The following CHD4 variants were observed in gnomAD, a reference collection of about 807,000 sequenced individuals.
The protein encoded by CHD4 is ATP-dependent chromatin remodeler CHD4.
A neutral mutation model predicts 235.5 loss-of-function variants in CHD4; 35 were observed. The observed-to-expected ratio is 0.15, with a 90% confidence interval of 0.11 to 0.20. The LOEUF is 0.20. Among genes scored for constraint, CHD4 ranks in the 10% least tolerant of loss-of-function variants. The pLI, the probability that CHD4 is intolerant of heterozygous loss-of-function variation, is 1.00. For synonymous variants in CHD4, 900 were observed against 850.2 expected (o/e 1.06, Z -1.02); for missense variants, 1,329 against 2,432.3 (o/e 0.55, Z 9.54).
chr12:6,592,169 G>A lies in CHD4; in HGVS notation c.2949-112C>T, dbSNP rs2136214067. 2.9e-6 allele frequency: 4 copies of A among 1,377,940 alleles called. No homozygotes were observed. The South Asian group carries it at 5.0e-5, about 17-fold the overall frequency. The allele number at this position is 1,377,940 out of a possible 1,614,324, so 85.4% of individuals were successfully genotyped here. On this transcript the variant is annotated intron_variant, in intron 19 of 39. Coordinates refer to ENST00000544040, the MANE Select transcript of CHD4 (RefSeq NM_001273.5). ...CAACACATCCCACTTTGGAACTAAG[G>A]ACACCTAACGCACAAGCACTACCAC... is the stretch of plus-strand genomic sequence containing the variant.
Position 6,598,214 on chromosome 12 carries a change from A to G in CHD4, c.1686+8T>C. 1 of 1,611,628 alleles carries G rather than the reference A, an allele frequency of 6.2e-7. No individual in the cohort carries two copies. The highest frequency in any genetic ancestry group is 8.5e-7 in the Non-Finnish European group (1 of 1,178,240). On this transcript the variant is annotated splice_region_variant and intron_variant, in intron 11 of 39. Transcript: ENST00000544040. ...AGCCCCTACATCTCCAGACTATCCT[A>G]AACTTACCTGCAGTTCAGAAACCCA...
At chr12:6,595,271 T>C (rs183294441) in intron 14 of CHD4, 63 bp downstream of exon 14, 8 of 1,351,910 alleles carry the variant, frequency 5.9e-6, no homozygotes, top group Admixed American at 5.4e-5. Flanking sequence ...GTACCATCAT[T>C]AGACTGCAGC....
intron 10 of CHD4, 130 bp downstream of exon 10, chr12:6,599,643 G>A (rs929406563): frequency 6.2e-6 from 7 of 1,137,296 alleles, no homozygotes; most frequent in East Asian, 2.5e-5. Context: ...AACACTATAG[G>A]ATGAAGGAGA....
chr12:6,576,218 G>A (rs1248277679), intron 37 of CHD4, among the ~76,000 whole-genome samples: 1 of 152,076 alleles, frequency 6.6e-6, no homozygotes, highest in African/African-American at 2.4e-5. Flanking sequence ...TTAGCTGGGC[G>A]TGGTGGCACA....
intron 22 of CHD4, among the ~76,000 whole-genome samples, chr12:6,589,887 T>C (rs1948361860): frequency 1.3e-5 from 2 of 151,882 alleles, no homozygotes; most frequent in Non-Finnish European, 2.9e-5. Context: ...ACAAAATAAC[T>C]GAACAGTGCT....
intron 33 of CHD4, chr12:6,579,244 G>A (rs1480748855): frequency 5.8e-6 from 2 of 345,978 alleles, no homozygotes; most frequent in Non-Finnish European, 1.1e-5. Flanking sequence ...GAGGTGAGGA[G>A]TTAGAAACCA....
intron 10 of CHD4, 69 bp from the exon 11 acceptor site, chr12:6,598,494 C>T: frequency 7.9e-7 from 1 of 1,268,678 alleles, no homozygotes; most frequent in Non-Finnish European, 1.1e-6. Context: ...CCCACAGTCT[C>T]AACTTCATCA....
At chr12:6,576,819 C>G (rs1180582056) in intron 37 of CHD4, among the ~76,000 whole-genome samples, 2 of 152,222 alleles carry the variant, frequency 1.3e-5, no homozygotes, top group African/African-American at 4.8e-5. Context: ...TCCTTGAAAA[C>G]AGATACCATG....
chr12:6,594,721 C>T lies in CHD4; in HGVS notation c.2122-71G>A, dbSNP rs973240507. 3.0e-5 allele frequency: 41 copies of T among 1,365,450 alleles called. No homozygotes were observed. The African/African-American group carries it at 5.4e-4, about 18-fold the overall frequency. 84.6% of individuals were successfully genotyped at this position (1,365,450 alleles called of 1,614,324 possible). A position where few individuals can be genotyped will look rare whatever the true frequency, so the allele number is the denominator to read the frequency against. On this transcript the variant is annotated intron_variant, in intron 14 of 39. Transcript: ENST00000544040. The stretch of plus-strand genomic sequence containing the variant: ...TCCTCCCCTAATAGAGCAGCTGCTT[C>T]CTCCTCACTAGTCTTCACGGATCCT...
intron 2 of CHD4, among the ~76,000 whole-genome samples, chr12:6,605,876 A>T (rs1338982259): frequency 1.3e-5 from 2 of 152,168 alleles, no homozygotes; most frequent in African/African-American, 2.4e-5. Flanking sequence ...ACAGGATCCT[A>T]CTAGCACAGA....
At position 6,601,768 on chromosome 12, in the gene CHD4, T is replaced by G. The variant is rs984443216; in HGVS notation, c.439-2A>C. ...GAGCTGAGCAGATGATTTAGGCTCC[T>G]GCAGAAAGAGCAAAGTCAAGTAAGT... On this transcript the variant is annotated splice_acceptor_variant, in intron 4 of 39. Coordinates refer to ENST00000544040, the MANE Select transcript of CHD4 (RefSeq NM_001273.5). LOFTEE classifies it high-confidence loss of function. The G allele has an allele frequency of 3.1e-6, 5 of 1,613,380 alleles. No homozygotes were observed. Among genetic ancestry groups the G allele is most frequent in the Non-Finnish European group, 4.2e-6 (5 of 1,179,480 alleles).
intron 38 of CHD4, chr12:6,571,419 G>A (rs1469948654): frequency 3.2e-5 from 6 of 187,410 alleles, no homozygotes; most frequent in Admixed American, 2.2e-4. Flanking sequence ...ATGTTGAAAG[G>A]GGTCTAGAAT....
chr12:6,582,411 CG>C (rs1948211143), intron 29 of CHD4, 130 bp from the exon 30 acceptor site: 4 of 1,315,354 alleles, frequency 3.0e-6, no homozygotes, highest in Non-Finnish European at 4.2e-6. Flanking sequence ...CACCACTGCA[CG>C]GGAAGGCTGA....
At chr12:6,592,916 C>A in intron 17 of CHD4, 99 bp from the exon 18 acceptor site, 1 of 1,521,496 alleles carries the variant, frequency 6.6e-7, no homozygotes, top group Non-Finnish European at 8.8e-7. Flanking sequence ...AGTTAAGCAT[C>A]CCACTCCTCA....
At chr12:6,604,830 T>C (rs1948662125) in intron 2 of CHD4, among the ~76,000 whole-genome samples, 1 of 152,060 alleles carries the variant, frequency 6.6e-6, no homozygotes, top group Non-Finnish European at 1.5e-5. Flanking sequence ...CCTGCGCAGC[T>C]CCCGGTCAAC....
At chr12:6,578,181 C>A (rs1948105105) in intron 35 of CHD4, 44 bp from the exon 36 acceptor site, 2 of 1,522,458 alleles carry the variant, frequency 1.3e-6, no homozygotes, top group East Asian at 4.5e-5. Context: ...GGGAAGCAAA[C>A]ATCTGTGAGA....
At chr12:6,601,892 G>A (rs1948598249) in intron 4 of CHD4, 68 bp downstream of exon 4, 2 of 1,572,138 alleles carry the variant, frequency 1.3e-6, no homozygotes, top group African/African-American at 2.7e-5. Flanking sequence ...CTAAAGGGCA[G>A]TAAGGTGTCT....
At position 6,592,256 on chromosome 12, in the gene CHD4, G is replaced by A. The variant is rs1012510482; in HGVS notation, c.2948+137C>T. On this transcript the variant is annotated intron_variant, in intron 19 of 39. Transcript: ENST00000544040. ...ATAAGTAAGAACTATGCGCTCCAGCGCCCTAGCATCAGGTTTCTTCAGGCC... is the reference window on the plus strand; with the variant it reads ...ATAAGTAAGAACTATGCGCTCCAGCACCCTAGCATCAGGTTTCTTCAGGCC... 1.6e-5 allele frequency: 20 copies of A among 1,284,102 alleles called. No individual in the cohort carries two copies. The East Asian group carries it at 1.9e-4, about 12-fold the overall frequency. 79.5% of individuals were successfully genotyped at this position (1,284,102 alleles called of 1,614,324 possible).
intron 35 of CHD4, 29 bp from the exon 36 acceptor site, chr12:6,578,166 G>A: frequency 6.4e-7 from 1 of 1,572,284 alleles, no homozygotes; most frequent in Middle Eastern, 1.7e-4. Flanking sequence ...AAGGTTGGGG[G>A]TGGGGGGAAG....
Sources: allele counts gnomAD v4.1 joint callset (sites outside exome capture counted in the v4.1 genomes callset), GRCh38; gene constraint gnomAD v4.1.1; transcripts MANE v1.5; gene names NCBI Gene and HGNC (gene_info 2026-07-23, HGNC 2026-07-21).